Variants in GBE1 observed in about 807,000 individuals in gnomAD.
GBE1 encodes 1,4-alpha-glucan branching enzyme 1.
Under a neutral mutation model 88.8 loss-of-function variants are expected in GBE1, and 70 were observed. The ratio of observed to expected loss-of-function variants is 0.79; its 90% CI spans 0.65 to 0.96. GBE1 has a LOEUF of 0.96. Among genes scored for constraint, GBE1 ranks in the 40% least tolerant of loss-of-function variants. The probability of loss-of-function intolerance (pLI) is 0.00; values close to 1 mark genes in which losing one functional copy is unlikely to be tolerated. For synonymous variants in GBE1, 284 were observed against 300.1 expected, an observed-to-expected ratio of 0.95 and a Z score of 0.56; for missense variants, 872 against 871.0, an observed-to-expected ratio of 1.00 and a Z score of -0.01.
At chr3:81,750,647 ATATATATATATG>A (rs1559708872) in intron 1 of GBE1, among the ~76,000 whole-genome samples, 1,189 of 48,280 alleles carry the variant, frequency 0.025, 176 homozygotes, top group African/African-American at 0.11. Flanking sequence ...ATATATATGT[ATATATATATATG>A]TATATATATA....
intron 6 of GBE1, 103 bp downstream of exon 6, chr3:81,646,289 C>A (rs1197397458): frequency 1.3e-6 from 1 of 748,102 alleles, no homozygotes; most frequent in African/African-American, 1.8e-5. Context: ...ACTCTGTTAA[C>A]CCTAAAAGGT....
At chr3:81,531,045 C>A (rs1004801482) in intron 14 of GBE1, among the ~76,000 whole-genome samples, 2 of 151,290 alleles carry the variant, frequency 1.3e-5, no homozygotes, top group African/African-American at 4.9e-5. Context: ...AAGCAATGTC[C>A]CTTTCACTCT....
At chr3:81,579,513 T>C (rs1180708786) in intron 11 of GBE1, among the ~76,000 whole-genome samples, 2 of 152,212 alleles carry the variant, frequency 1.3e-5, no homozygotes, top group East Asian at 3.9e-4. Flanking sequence ...ATGCCACTTA[T>C]TTGTTTACTC....
intron 1 of GBE1, among the ~76,000 whole-genome samples, chr3:81,738,292 G>A (rs1392717055): frequency 3.3e-5 from 5 of 150,414 alleles, no homozygotes; most frequent in Admixed American, 6.7e-5. Flanking sequence ...TGGGTCAAAT[G>A]GTATTTCTAG....
intron 1 of GBE1, among the ~76,000 whole-genome samples, chr3:81,738,144 G>A (rs1706295950): frequency 6.6e-6 from 1 of 151,352 alleles, no homozygotes; most frequent in African/African-American, 2.4e-5. Flanking sequence ...TCTTAATCCA[G>A]TCTATCATTG....
At chr3:81,737,703 T>G (rs1213909502) in intron 1 of GBE1, among the ~76,000 whole-genome samples, 1 of 151,382 alleles carries the variant, frequency 6.6e-6, no homozygotes, top group Non-Finnish European at 1.5e-5. Flanking sequence ...TTGTTGAATT[T>G]TATGTATCAG....
intron 14 of GBE1, among the ~76,000 whole-genome samples, chr3:81,529,407 T>C (rs1444766082): frequency 2.6e-5 from 4 of 152,014 alleles, no homozygotes; most frequent in Non-Finnish European, 4.4e-5. Context: ...TTACGAGTTT[T>C]GTGACTTAAG....
At chr3:81,586,686 G>C (rs1036598764) in intron 9 of GBE1, among the ~76,000 whole-genome samples, 8 of 152,220 alleles carry the variant, frequency 5.3e-5, no homozygotes, top group African/African-American at 1.9e-4. Context: ...TACTAGAGTA[G>C]GTTACACTTA....
At chr3:81,747,901 A>G (rs1706439964) in intron 1 of GBE1, among the ~76,000 whole-genome samples, 1 of 152,138 alleles carries the variant, frequency 6.6e-6, no homozygotes, top group Non-Finnish European at 1.5e-5. Flanking sequence ...TTTCGGACTC[A>G]GCCCGCCTGC....
chr3:81,666,866 G>GA (rs569275443), intron 3 of GBE1, among the ~76,000 whole-genome samples: 60 of 152,208 alleles, frequency 3.9e-4, no homozygotes, highest in African/African-American at 1.4e-3. Flanking sequence ...TTAAATCTAT[G>GA]AAAAATATCA....
At chr3:81,650,868 G>A (rs1704839918) in intron 3 of GBE1, among the ~76,000 whole-genome samples, 1 of 152,048 alleles carries the variant, frequency 6.6e-6, no homozygotes, top group South Asian at 2.1e-4. Flanking sequence ...TAGAAATGGG[G>A]TTTCTCTGTG....
At chr3:81,503,371 C>A (rs1197540662) in intron 14 of GBE1, among the ~76,000 whole-genome samples, 1 of 152,162 alleles carries the variant, frequency 6.6e-6, no homozygotes, top group Middle Eastern at 3.4e-3. Context: ...GGTCTTAAGA[C>A]TTATTTTATT....
intron 7 of GBE1, chr3:81,613,109 T>C: frequency 1.9e-6 from 1 of 519,870 alleles, no homozygotes; most frequent in Non-Finnish European, 3.1e-6. Context: ...GACCTTCCTT[T>C]TTTAAAATGT....
intron 10 of GBE1, among the ~76,000 whole-genome samples, chr3:81,584,684 T>C (rs886974821): frequency 2.0e-5 from 3 of 151,572 alleles, no homozygotes; most frequent in South Asian, 2.1e-4. Flanking sequence ...TTATCATGTA[T>C]AATAAGTAAG....
At chr3:81,517,211 A>G (rs900686412) in intron 14 of GBE1, among the ~76,000 whole-genome samples, 1 of 151,532 alleles carries the variant, frequency 6.6e-6, no homozygotes, top group East Asian at 1.9e-4. Flanking sequence ...CCCCACCCTG[A>G]TCAGTCAGGA....
At chr3:81,656,335 G>A (rs942936555) in intron 3 of GBE1, among the ~76,000 whole-genome samples, 4 of 152,138 alleles carry the variant, frequency 2.6e-5, no homozygotes, top group African/African-American at 9.7e-5. Context: ...GACCCAGGAG[G>A]GAGAGAGTGG....
At chr3:81,579,456 G>A (rs1703690900) in intron 11 of GBE1, among the ~76,000 whole-genome samples, 1 of 151,946 alleles carries the variant, frequency 6.6e-6, no homozygotes, top group Admixed American at 6.6e-5. Context: ...TACAGATTAG[G>A]TAGAAATTTA....
chr3:81,722,420 C>G (rs1413548989), intron 1 of GBE1, among the ~76,000 whole-genome samples: 1 of 151,928 alleles, frequency 6.6e-6, no homozygotes, highest in African/African-American at 2.4e-5. Flanking sequence ...AATGATTTTT[C>G]TTTGCTTTTA....
intron 1 of GBE1, among the ~76,000 whole-genome samples, chr3:81,747,859 G>A (rs1000408826): frequency 3.3e-5 from 5 of 151,938 alleles, no homozygotes; most frequent in Non-Finnish European, 5.9e-5. Flanking sequence ...CTATAAAACG[G>A]CCCCACCCTT....
Sources: allele counts gnomAD v4.1 joint callset (sites outside exome capture counted in the v4.1 genomes callset), GRCh38; gene constraint gnomAD v4.1.1; transcripts MANE v1.5; gene names NCBI Gene and HGNC (gene_info 2026-07-23, HGNC 2026-07-21).